Variants in SLC24A3 observed in about 807,000 individuals in gnomAD.
The protein encoded by SLC24A3 is sodium/potassium/calcium exchanger 3.
A neutral mutation model predicts 75.8 loss-of-function variants in SLC24A3; 28 were observed. That is an observed-to-expected ratio of 0.37 (90% CI 0.27 to 0.51). The LOEUF (loss-of-function observed/expected upper bound fraction) is 0.51. Ranked by LOEUF, SLC24A3 falls within the 20% of genes least tolerant of loss-of-function variation. The pLI is 0.94. For missense variants in SLC24A3, 663 were observed against 847.8 expected, an observed-to-expected ratio of 0.78 and a Z score of 2.71; for synonymous variants, 372 against 334.1, an observed-to-expected ratio of 1.11 and a Z score of -1.24.
chr20:19,484,994 G>A (rs1988109101), intron 2 of SLC24A3, among the ~76,000 whole-genome samples: 1 of 152,166 alleles, frequency 6.6e-6, no homozygotes, highest in Admixed American at 6.6e-5. Context: ...GGACCATAGT[G>A]GCAGAGGATC....
chr20:19,361,123 G>A (rs888038744), intron 2 of SLC24A3, among the ~76,000 whole-genome samples: 4 of 152,198 alleles, frequency 2.6e-5, no homozygotes, highest in African/African-American at 4.8e-5. Context: ...CACTGCACCC[G>A]GCCAGAAATT....
intron 2 of SLC24A3, among the ~76,000 whole-genome samples, chr20:19,304,479 G>A (rs879335065): frequency 1.2e-4 from 19 of 152,058 alleles, no homozygotes; most frequent in Admixed American, 2.6e-4. Flanking sequence ...TTTCCTATTC[G>A]TTAATTTGGT....
chr20:19,342,763 T>C (rs1292787614), intron 2 of SLC24A3, among the ~76,000 whole-genome samples: 3 of 151,990 alleles, frequency 2.0e-5, no homozygotes, highest in Non-Finnish European at 4.4e-5. Context: ...CTTTGATAGA[T>C]GTATAAGAGT....
At chr20:19,351,606 A>G (rs1340472740) in intron 2 of SLC24A3, among the ~76,000 whole-genome samples, 3 of 152,060 alleles carry the variant, frequency 2.0e-5, no homozygotes, top group Non-Finnish European at 4.4e-5. Context: ...TTCCTCTCCC[A>G]GCCTCCCCTA....
At chr20:19,462,942 T>G (rs1001863878) in intron 2 of SLC24A3, among the ~76,000 whole-genome samples, 1 of 152,192 alleles carries the variant, frequency 6.6e-6, no homozygotes, top group Non-Finnish European at 1.5e-5. Context: ...AGTTTGAGAT[T>G]CTGTTTCTAA....
chr20:19,339,172 T>C (rs1201010900), intron 2 of SLC24A3, among the ~76,000 whole-genome samples: 1 of 152,226 alleles, frequency 6.6e-6, no homozygotes, highest in African/African-American at 2.4e-5. Flanking sequence ...ACCCTCCCTG[T>C]TGTAATTCCA....
rs142403807 is a variant in SLC24A3 at position 19,558,272 on chromosome 20, C to T, written c.349-21728C>T. On this transcript the variant is annotated intron_variant, in intron 3 of 16. Transcript: ENST00000328041. The stretch of plus-strand genomic sequence containing the variant: ...TTTTTTTATTTTTGAGACAGAGTCT[C>T]GCTCTGTCACCCAGGCTGGGGTGCA... Among the ~76,000 whole-genome samples, 73 of 152,080 alleles carry T rather than the reference C, an allele frequency of 4.8e-4. No homozygotes were observed. In the Middle Eastern group the frequency reaches 0.01, roughly 21 times the overall value.
chr20:19,228,372 G>T (rs192025011), intron 1 of SLC24A3, among the ~76,000 whole-genome samples: 1 of 152,288 alleles, frequency 6.6e-6, no homozygotes, highest in Admixed American at 6.5e-5. Context: ...GGGCGCGGTG[G>T]CTCACGCCTG....
intron 3 of SLC24A3, among the ~76,000 whole-genome samples, chr20:19,547,945 G>A (rs1011689979): frequency 4.6e-5 from 7 of 152,234 alleles, no homozygotes; most frequent in African/African-American, 1.7e-4. Context: ...GGGAACTGTG[G>A]TACAGTCCAG....
chr20:19,672,279 C>T (rs903552820), intron 8 of SLC24A3, among the ~76,000 whole-genome samples: 1 of 152,162 alleles, frequency 6.6e-6, no homozygotes, highest in Non-Finnish European at 1.5e-5. Context: ...GATTTCCTCT[C>T]TCAATAGTGC....
chr20:19,592,549 T>C (rs145593325), intron 6 of SLC24A3, among the ~76,000 whole-genome samples: 1 of 152,256 alleles, frequency 6.6e-6, no homozygotes, highest in Non-Finnish European at 1.5e-5. Context: ...TCATTTCCCT[T>C]TAGTATGGCA....
rs146349560 is a variant in SLC24A3, at chr20:19,600,065, G to T, written c.612+14521G>T. On this transcript the variant is annotated intron_variant, in intron 6 of 16. Transcript: ENST00000328041. Reference sequence around the variant, plus strand: ...GGTCCAGGAGCCAGGTTGAAGGCCCGTGGGGGTCATTCTGAGGGAAGGCCT... The same window carrying T: ...GGTCCAGGAGCCAGGTTGAAGGCCCTTGGGGGTCATTCTGAGGGAAGGCCT... Among the ~76,000 whole-genome samples the T allele has an allele frequency of 1.4e-4, 22 of 152,280 alleles. 1 individual carries two copies. The East Asian group carries it at 4.1e-3, about 28-fold the overall frequency.
Position 19,693,302 on chromosome 20 carries a change from G to A in SLC24A3, c.1368G>A (p.Leu456=). The A allele has an allele frequency of 1.2e-6, 2 of 1,613,996 alleles. No homozygotes were observed. The highest frequency in any genetic ancestry group is 1.7e-6 in the Non-Finnish European group (2 of 1,179,980). Residue 456 remains leucine (L), a synonymous_variant, in exon 13 of 17, where the codon CTG becomes CTA. Coordinates refer to ENST00000328041, the MANE Select transcript of SLC24A3 (RefSeq NM_020689.4). ...TGAAATGGGCGTTCACCTGGCCGCTGAGTTTCGTCTTATACTTCACTGTAC... is the reference window on the plus strand; with the variant it reads ...TGAAATGGGCGTTCACCTGGCCGCTAAGTTTCGTCTTATACTTCACTGTAC... ...ETVKWAFTWP[L]SFVLYFTVPN... is the part of the protein sequence containing the mutation.
At chr20:19,532,484 TGGA>T (rs1253729952) in intron 3 of SLC24A3, among the ~76,000 whole-genome samples, 1 of 152,222 alleles carries the variant, frequency 6.6e-6, no homozygotes, top group Non-Finnish European at 1.5e-5. Context: ...CTGTCTCTCC[TGGA>T]GGAGAATTCC....
chr20:19,644,041 A>G (rs1295142917), intron 6 of SLC24A3, among the ~76,000 whole-genome samples: 1 of 152,186 alleles, frequency 6.6e-6, no homozygotes, highest in Admixed American at 6.5e-5. Context: ...TCTATCCATT[A>G]TACAAAAGGG....
chr20:19,230,374 A>G (rs1039364546), intron 1 of SLC24A3, among the ~76,000 whole-genome samples: 4 of 152,162 alleles, frequency 2.6e-5, no homozygotes, highest in African/African-American at 9.7e-5. Flanking sequence ...CCTTGTAGTT[A>G]GAATACTGAG....
At chr20:19,556,629 T>C (rs1412800054) in intron 3 of SLC24A3, among the ~76,000 whole-genome samples, 1 of 149,566 alleles carries the variant, frequency 6.7e-6, no homozygotes. Context: ...CTCAAACAAC[T>C]CAGATTTAAG....
chr20:19,605,783 T>G (rs568403725), intron 6 of SLC24A3, among the ~76,000 whole-genome samples: 1 of 152,198 alleles, frequency 6.6e-6, no homozygotes, highest in Non-Finnish European at 1.5e-5. Flanking sequence ...CTAATAAAAT[T>G]TAATAGCATT....
At chr20:19,651,260 T>C (rs943718290) in intron 6 of SLC24A3, among the ~76,000 whole-genome samples, 14 of 151,384 alleles carry the variant, frequency 9.2e-5, no homozygotes, top group African/African-American at 3.1e-4. Flanking sequence ...ATTAATAATT[T>C]GATTGGGCAT....
Sources: allele counts gnomAD v4.1 joint callset (sites outside exome capture counted in the v4.1 genomes callset), GRCh38; gene constraint gnomAD v4.1.1; transcripts MANE v1.5; gene names NCBI Gene and HGNC (gene_info 2026-07-23, HGNC 2026-07-21).